The following ADAMTSL3 variants were observed in gnomAD, a reference collection of about 807,000 sequenced individuals.
ADAMTSL3 encodes the protein ADAMTS like 3.
ADAMTSL3 carries 128 observed loss-of-function variants against 201.7 expected under a neutral mutation model. The observed-to-expected ratio is 0.63, with a 90% confidence interval of 0.55 to 0.73. ADAMTSL3 has a LOEUF of 0.73. Among genes scored for constraint, ADAMTSL3 ranks in the 30% least tolerant of loss-of-function variants. ADAMTSL3 has a pLI of 0.00. For missense variants in ADAMTSL3, 1,990 were observed against 2,119.6 expected (o/e 0.94, Z 1.20); for synonymous variants, 738 against 748.4 (o/e 0.99, Z 0.23).
chr15:83,683,047 T>C (rs999653053), intron 2 of ADAMTSL3, among the ~76,000 whole-genome samples: 6 of 152,194 alleles, frequency 3.9e-5, no homozygotes, highest in Non-Finnish European at 8.8e-5. Context: ...TTGGAAATAT[T>C]TGGACTTTGG....
At chr15:83,933,452 T>C (rs2142011911) in intron 17 of ADAMTSL3, among the ~76,000 whole-genome samples, 1 of 152,328 alleles carries the variant, frequency 6.6e-6, no homozygotes, top group Admixed American at 6.5e-5. Context: ...GTTTTATGCA[T>C]TCACAAAGAG....
At chr15:83,951,959 T>G (rs1486805499) in intron 19 of ADAMTSL3, among the ~76,000 whole-genome samples, 1 of 152,126 alleles carries the variant, frequency 6.6e-6, no homozygotes, top group East Asian at 1.9e-4. Flanking sequence ...AAAACCAACT[T>G]TTTGGTTCAT....
At chr15:83,735,515 A>T (rs2062356010) in intron 3 of ADAMTSL3, among the ~76,000 whole-genome samples, 1 of 152,172 alleles carries the variant, frequency 6.6e-6, no homozygotes, top group Non-Finnish European at 1.5e-5. Flanking sequence ...CCAGATTCAT[A>T]GCCTGAATAA....
At chr15:83,890,365 C>T in intron 11 of ADAMTSL3, 118 bp downstream of exon 11, 1 of 1,283,920 alleles carries the variant, frequency 7.8e-7, no homozygotes, top group Non-Finnish European at 1.1e-6. Context: ...CTACTGGCGG[C>T]AGGTGCCTAC....
intron 3 of ADAMTSL3, among the ~76,000 whole-genome samples, chr15:83,725,149 G>T (rs1290924887): frequency 1.3e-5 from 2 of 152,128 alleles, no homozygotes; most frequent in Non-Finnish European, 2.9e-5. Context: ...CATAGTGGTT[G>T]TGCTAATTTA....
At chr15:83,975,302 A>G (rs1198938798) in intron 20 of ADAMTSL3, among the ~76,000 whole-genome samples, 2 of 152,016 alleles carry the variant, frequency 1.3e-5, no homozygotes, top group African/African-American at 4.8e-5. Context: ...GCACCTGGCC[A>G]GCCTGCGTCT....
chr15:84,019,805 T>C (rs2068163089), intron 25 of ADAMTSL3, among the ~76,000 whole-genome samples: 1 of 148,356 alleles, frequency 6.7e-6, no homozygotes, highest in Admixed American at 6.9e-5. Context: ...GGCAGGAGAA[T>C]CGCTTGAACC....
intron 17 of ADAMTSL3, among the ~76,000 whole-genome samples, chr15:83,930,079 A>G (rs563243933): frequency 3.9e-5 from 6 of 152,318 alleles, no homozygotes; most frequent in East Asian, 1.9e-4. Flanking sequence ...AAAATTGGAA[A>G]TGGATCAGGG....
At chr15:83,715,080 G>C (rs2061998518) in intron 3 of ADAMTSL3, among the ~76,000 whole-genome samples, 1 of 152,036 alleles carries the variant, frequency 6.6e-6, no homozygotes, top group Non-Finnish European at 1.5e-5. Context: ...CACTCAGTTT[G>C]GATTTCTCAT....
chr15:83,973,518 A>G (rs1417474576), intron 20 of ADAMTSL3, among the ~76,000 whole-genome samples: 1 of 152,170 alleles, frequency 6.6e-6, no homozygotes, highest in Non-Finnish European at 1.5e-5. Flanking sequence ...TTCCTAAAGA[A>G]AATAATATCA....
chr15:83,965,370 CAG>C (rs2067062558), intron 19 of ADAMTSL3, among the ~76,000 whole-genome samples: 2 of 118,314 alleles, frequency 1.7e-5, no homozygotes, highest in African/African-American at 5.9e-5. Context: ...AAAAAAAAAG[CAG>C]GGGTTGCAGT....
At chr15:83,681,733 C>T (rs1246870446) in intron 2 of ADAMTSL3, among the ~76,000 whole-genome samples, 1 of 152,198 alleles carries the variant, frequency 6.6e-6, no homozygotes, top group Non-Finnish European at 1.5e-5. Context: ...CCCAATTTCC[C>T]TAACTGCTGT....
At position 83,983,051 on chromosome 15, in the gene ADAMTSL3, C is replaced by G; in HGVS notation, c.3423C>G (p.Ile1141Met). The G allele has an allele frequency of 6.2e-7, 1 of 1,614,068 alleles. No homozygotes were observed. Among genetic ancestry groups the G allele is most frequent in the Non-Finnish European group, 8.5e-7 (1 of 1,180,014 alleles). Residue 1141 changes from isoleucine to methionine, a missense_variant, in exon 21 of 30, where the codon ATC becomes ATG. Transcript: ENST00000286744. ...CAACACACATGCAGTGGCGGGGCAT[C>G]CAGGAAGAGACACCTCCTGCTGCTC... ...AQPTHMQWRG[I>M]QEETPPAAQL...
At chr15:83,772,495 C>A (rs2063000741) in intron 3 of ADAMTSL3, among the ~76,000 whole-genome samples, 1 of 152,086 alleles carries the variant, frequency 6.6e-6, no homozygotes, top group Admixed American at 6.6e-5. Flanking sequence ...TCTAGGAGAC[C>A]AATTAAACCA....
intron 3 of ADAMTSL3, among the ~76,000 whole-genome samples, chr15:83,737,070 T>A (rs1446307838): frequency 1.3e-5 from 2 of 152,166 alleles, no homozygotes; most frequent in African/African-American, 2.4e-5. Flanking sequence ...ACTATTACAT[T>A]ATGGAAAAGA....
At chr15:83,922,761 T>A (rs567067807) in intron 16 of ADAMTSL3, among the ~76,000 whole-genome samples, 8 of 152,290 alleles carry the variant, frequency 5.3e-5, no homozygotes, top group Non-Finnish European at 1.0e-4. Flanking sequence ...TTAGAAGTAT[T>A]TTTGGCCAAT....
intron 3 of ADAMTSL3, among the ~76,000 whole-genome samples, chr15:83,753,702 C>G (rs976140525): frequency 6.6e-6 from 1 of 151,388 alleles, no homozygotes; most frequent in African/African-American, 2.4e-5. Flanking sequence ...TGTAGATTGT[C>G]AAATATAAAT....
intron 8 of ADAMTSL3, among the ~76,000 whole-genome samples, chr15:83,859,481 T>C (rs1045472181): frequency 2.6e-5 from 4 of 152,218 alleles, no homozygotes; most frequent in Non-Finnish European, 5.9e-5. Flanking sequence ...CCTGAAAAAC[T>C]ACCCAGGGAC....
At chr15:83,744,077 C>T (rs1596127019) in intron 3 of ADAMTSL3, among the ~76,000 whole-genome samples, 1 of 152,232 alleles carries the variant, frequency 6.6e-6, no homozygotes, top group East Asian at 1.9e-4. Context: ...GTCTCGATCT[C>T]CTGACCTCGT....
Sources: gnomAD v4.1 joint callset for allele counts (sites outside exome capture counted in the v4.1 genomes callset) on GRCh38, gnomAD v4.1.1 for gene constraint, MANE v1.5 for transcripts, NCBI Gene and HGNC (gene_info 2026-07-23, HGNC 2026-07-21) for gene names.